Variants in SPATA17 observed in about 807,000 individuals in gnomAD.
The protein encoded by SPATA17 is spermatogenesis associated 17.
SPATA17 carries 53 observed loss-of-function variants against 62.2 expected under a neutral mutation model. The observed-to-expected ratio is 0.85, with a 90% CI of 0.68 to 1.07. The LOEUF (loss-of-function observed/expected upper bound fraction) is 1.07. Among genes scored for constraint, SPATA17 ranks in the 50% least tolerant of loss-of-function variants. SPATA17 has a pLI of 0.00. For missense variants in SPATA17, 466 were observed against 425.5 expected, an observed-to-expected ratio of 1.10 and a Z score of -0.84; for synonymous variants, 146 against 146.8, an observed-to-expected ratio of 0.99 and a Z score of 0.04.
chr1:217,808,120 A>C (rs1005824370), intron 9 of SPATA17, among the ~76,000 whole-genome samples: 1 of 152,188 alleles, frequency 6.6e-6, no homozygotes, highest in African/African-American at 2.4e-5. Context: ...GCCTTCCAAA[A>C]AGCAGGAAAA....
chr1:217,658,913 T>A (rs1421797787), intron 3 of SPATA17, among the ~76,000 whole-genome samples: 1 of 152,152 alleles, frequency 6.6e-6, no homozygotes, highest in Non-Finnish European at 1.5e-5. Flanking sequence ...TCCCTGTGTT[T>A]TCTATTGTCG....
rs145242035 is a variant in SPATA17, at chr1:217,696,627, T to C, written c.395+13266T>C. ...TTTAAAATATTGAAATAATCAAATATTTATATTCTGCATCTGATAATTGTA... is the reference window on the plus strand; with the variant it reads ...TTTAAAATATTGAAATAATCAAATACTTATATTCTGCATCTGATAATTGTA... On this transcript the variant is annotated intron_variant, in intron 5 of 10. Transcript: ENST00000366933. Among the ~76,000 whole-genome samples the C allele has an allele frequency of 1.8e-4, 28 of 152,360 alleles. No homozygotes were observed. In the East Asian group the frequency reaches 5.2e-3, roughly 28 times the overall value.
intron 7 of SPATA17, among the ~76,000 whole-genome samples, chr1:217,778,754 T>A (rs1673663453): frequency 6.6e-6 from 1 of 152,198 alleles, no homozygotes; most frequent in Non-Finnish European, 1.5e-5. Flanking sequence ...ATTAAACATG[T>A]AATATTATGG....
At chr1:217,807,000 C>G (rs1407531718) in intron 9 of SPATA17, among the ~76,000 whole-genome samples, 1 of 152,094 alleles carries the variant, frequency 6.6e-6, no homozygotes, top group Non-Finnish European at 1.5e-5. Context: ...CATATACATA[C>G]TTATCTTTGT....
chr1:217,803,586 A>G (rs918846166), intron 9 of SPATA17, among the ~76,000 whole-genome samples: 1 of 152,230 alleles, frequency 6.6e-6, no homozygotes, highest in Non-Finnish European at 1.5e-5. Context: ...TAAAGAAGAC[A>G]CAAATAAATG....
At chr1:217,705,809 A>G (rs10863338) in intron 5 of SPATA17, among the ~76,000 whole-genome samples, 134,014 of 152,220 alleles carry the variant, frequency 0.88, 59,350 homozygotes, top group African/African-American at 0.94. Flanking sequence ...CCAGCATCTT[A>G]TCCAGAATGG....
chr1:217,690,775 T>A (rs1457882066), intron 5 of SPATA17, among the ~76,000 whole-genome samples: 1 of 133,320 alleles, frequency 7.5e-6, no homozygotes, highest in African/African-American at 2.9e-5. Context: ...TTACTGAGAA[T>A]GATGGTTTCC....
intron 9 of SPATA17, among the ~76,000 whole-genome samples, chr1:217,828,945 A>G (rs1160205390): frequency 6.6e-6 from 1 of 152,156 alleles, no homozygotes. Context: ...GAGATAACAA[A>G]TGTTGGTGAG....
In SPATA17 at chr1:217,868,687, T is replaced by TAA. The variant is rs1676069768; in HGVS notation, c.*1668_*1669insAA. The TAA allele has an allele frequency of 6.8e-6, 1 of 147,636 alleles. No individual in the cohort carries two copies. The highest frequency in any genetic ancestry group is 2.5e-5 in the African/African-American group (1 of 40,052). The allele number at this position is 147,636 out of a possible 1,614,324, so 9.1% of individuals were successfully genotyped here. A position where few individuals can be genotyped will look rare whatever the true frequency, so the allele number is the denominator to read the frequency against. The stretch of plus-strand genomic sequence containing the variant: ...ATGTTTTTTTTTTTTTTTTTTTTTT[T>TAA]TTTAATTTCTGAGACAGAGTCTCAT... On this transcript the variant is annotated 3_prime_UTR_variant, in exon 11 of 11. Coordinates refer to ENST00000366933, the MANE Select transcript of SPATA17 (RefSeq NM_138796.4).
chr1:217,719,329 A>G (rs1417233328), intron 5 of SPATA17, among the ~76,000 whole-genome samples: 2 of 152,158 alleles, frequency 1.3e-5, no homozygotes, highest in African/African-American at 2.4e-5. Flanking sequence ...CCTAATGTGG[A>G]CATTTTGTTG....
intron 6 of SPATA17, among the ~76,000 whole-genome samples, chr1:217,744,355 T>C (rs12722926): frequency 0.052 from 4,671 of 89,204 alleles, 1,393 homozygotes; most frequent in South Asian, 0.1. Flanking sequence ...CCCAGCTACT[T>C]GGGAGGCTGA....
chr1:217,847,146 A>G (rs72730522), intron 9 of SPATA17, among the ~76,000 whole-genome samples: 4,486 of 152,032 alleles, frequency 0.03, 104 homozygotes, highest in Middle Eastern at 0.065. Context: ...CTATCCTCTC[A>G]ATCTTTAATT....
chr1:217,814,290 T>C (rs773409078), intron 9 of SPATA17, among the ~76,000 whole-genome samples: 11 of 152,180 alleles, frequency 7.2e-5, no homozygotes, highest in Admixed American at 2.0e-4. Context: ...GCAATAAAGC[T>C]TGAAACTGAG....
At chr1:217,752,203 T>A (rs1344571790) in intron 6 of SPATA17, among the ~76,000 whole-genome samples, 1 of 152,064 alleles carries the variant, frequency 6.6e-6, no homozygotes, top group Non-Finnish European at 1.5e-5. Flanking sequence ...TTTGTTTACA[T>A]TTTTTGTAGA....
In SPATA17 at chr1:217,747,881, A is replaced by T. The variant is rs376178192; in HGVS notation, c.519+5783A>T. Among the ~76,000 whole-genome samples the T allele has an allele frequency of 2.0e-5, 3 of 152,344 alleles. No individual in the cohort carries two copies. In the East Asian group the frequency reaches 5.8e-4, roughly 29 times the overall value. ...GTTATTTATGATTTAAAAAGACCCT[A>T]TACTGTGATTAATACTGATAAAACT... On this transcript the variant is annotated intron_variant, in intron 6 of 10. Transcript: ENST00000366933.
intron 5 of SPATA17, among the ~76,000 whole-genome samples, chr1:217,689,949 G>C (rs1045263389): frequency 4.0e-5 from 6 of 151,122 alleles, no homozygotes; most frequent in African/African-American, 1.2e-4. Flanking sequence ...TTTCGCCCAG[G>C]CTGCAGTGCA....
intron 9 of SPATA17, among the ~76,000 whole-genome samples, chr1:217,850,159 T>C (rs543355014): frequency 9.2e-5 from 14 of 152,316 alleles, no homozygotes; most frequent in African/African-American, 2.9e-4. Flanking sequence ...GGAAGTCTTC[T>C]AATGAATAAT....
intron 6 of SPATA17, among the ~76,000 whole-genome samples, chr1:217,765,630 C>A (rs1673281303): frequency 6.6e-6 from 1 of 151,838 alleles, no homozygotes; most frequent in Admixed American, 6.6e-5. Flanking sequence ...CATACTTTGT[C>A]TGATTTCTGT....
intron 9 of SPATA17, among the ~76,000 whole-genome samples, chr1:217,809,372 T>A (rs1674524473): frequency 6.6e-6 from 1 of 152,206 alleles, no homozygotes; most frequent in Non-Finnish European, 1.5e-5. Flanking sequence ...TTTGTGTTGC[T>A]ATAACAGAAT....
Sources: gnomAD v4.1 joint callset for allele counts (sites outside exome capture counted in the v4.1 genomes callset) on GRCh38, gnomAD v4.1.1 for gene constraint, MANE v1.5 for transcripts, NCBI Gene and HGNC (gene_info 2026-07-23, HGNC 2026-07-21) for gene names.